The following NFATC1 variants were observed in gnomAD, a reference collection of about 807,000 sequenced individuals.
The protein encoded by NFATC1 is nuclear factor of activated T-cells, cytoplasmic 1.
Under a neutral mutation model 76.0 loss-of-function variants are expected in NFATC1, and 22 were observed. That is an observed-to-expected ratio of 0.29 (90% CI 0.21 to 0.41). NFATC1 has a LOEUF of 0.41. Ranked by LOEUF, NFATC1 falls within the 10% of genes least tolerant of loss-of-function variation. The pLI is 1.00. For missense variants in NFATC1, 1,357 were observed against 1,337.7 expected (o/e 1.01, Z -0.23); for synonymous variants, 704 against 613.1 (o/e 1.15, Z -2.19).
Position 79,410,567 on chromosome 18 carries a change from G to T in NFATC1, c.292G>T (p.Ala98Ser). The T allele has an allele frequency of 7.4e-6, 12 of 1,611,608 alleles. No individual in the cohort carries two copies. Among genetic ancestry groups the T allele is most frequent in the Non-Finnish European group, 1.0e-5 (12 of 1,180,000 alleles). ...GYGAALDGGP[A>S]GYFLSSGHTR... ...CGGAGCAGCTTTGGACGGTGGGCCC[G>T]CGGGCTACTTCCTCTCCTCCGGCCA... Residue 98 changes from alanine to serine, a missense_variant, in exon 2 of 10, where the codon GCG becomes TCG. By Grantham distance (99) the Ala-to-Ser change is moderately conservative (BLOSUM62 1). Around this residue, in one of 3 missense-constraint regions of NFATC1, gnomAD observed 691 missense variants for 613.1 expected, o/e 1.13. Transcript: ENST00000427363. This position sits in a 1 kb window ranked among gnomAD's most constrained non-coding sequence, Gnocchi z 6.7.
At chr18:79,462,495 G>C (rs2088163079) in intron 7 of NFATC1, among the ~76,000 whole-genome samples, 1 of 151,952 alleles carries the variant, frequency 6.6e-6, no homozygotes, top group Non-Finnish European at 1.5e-5. Context: ...GTAGAGATGG[G>C]GTTTTGCCAT....
chr18:79,498,178 A>G (rs1212319801), intron 9 of NFATC1: 2 of 152,184 alleles, frequency 1.3e-5, no homozygotes, highest in Admixed American at 6.5e-5. Context: ...TGTCCCATCC[A>G]CAGGAAGAAA....
chr18:79,504,633 C>T (rs1328028232), intron 9 of NFATC1, among the ~76,000 whole-genome samples: 2 of 152,234 alleles, frequency 1.3e-5, no homozygotes, highest in African/African-American at 4.8e-5. Context: ...CTGTTGGAAA[C>T]GTGGTGCCCA....
chr18:79,443,509 CG>C (rs916293049), intron 3 of NFATC1, among the ~76,000 whole-genome samples: 4 of 152,134 alleles, frequency 2.6e-5, no homozygotes, highest in Non-Finnish European at 4.4e-5. Flanking sequence ...AGCCGTCCCT[CG>C]GGGGGTGGGG....
intron 4 of NFATC1, among the ~76,000 whole-genome samples, chr18:79,450,145 C>T (rs1164212699): frequency 2.0e-5 from 3 of 152,148 alleles, no homozygotes; most frequent in African/African-American, 4.8e-5. Flanking sequence ...GCCAGGACCG[C>T]GCTCCAGCCC....
chr18:79,464,610 C>A (rs2088337214), intron 7 of NFATC1, among the ~76,000 whole-genome samples: 1 of 150,632 alleles, frequency 6.6e-6, no homozygotes, highest in South Asian at 2.1e-4. Context: ...CAGACACACA[C>A]ACACACACAG....
At chr18:79,494,257 A>G in intron 9 of NFATC1, among the ~76,000 whole-genome samples, 1 of 148,236 alleles carries the variant, frequency 6.7e-6, no homozygotes, top group Non-Finnish European at 1.5e-5. Flanking sequence ...GAGCGGGCAC[A>G]CGCCCCCCAT....
At chr18:79,498,069 G>A (rs879526601) in intron 9 of NFATC1, 152 of 129,774 alleles carry the variant, frequency 1.2e-3, no homozygotes, top group African/African-American at 3.9e-3. Flanking sequence ...AGGGGGATGG[G>A]GGGGGGGGAA....
chr18:79,427,091 T>A (rs899622627), intron 2 of NFATC1, among the ~76,000 whole-genome samples: 1 of 152,150 alleles, frequency 6.6e-6, no homozygotes, highest in African/African-American at 2.4e-5. Context: ...AGGGAGCATG[T>A]CCCGGGTTCT....
In NFATC1 at chr18:79,474,759, T is replaced by G. The variant is rs556657170; in HGVS notation, c.2092+7177T>G. On this transcript the variant is annotated intron_variant, in intron 8 of 9. Coordinates refer to ENST00000427363, the MANE Select transcript of NFATC1 (RefSeq NM_001278669.2). Reference sequence around the variant, plus strand: ...CATTGTAAACCTGAGGGAAGCGTGTTCTCACGCTCACTGTCGACGTTGCGA... The same window carrying G: ...CATTGTAAACCTGAGGGAAGCGTGTGCTCACGCTCACTGTCGACGTTGCGA... Among the ~76,000 whole-genome samples the G allele has an allele frequency of 2.0e-5, 3 of 150,746 alleles. No individual in the cohort carries two copies. In the East Asian group the frequency reaches 6.0e-4, roughly 30 times the overall value.
intron 9 of NFATC1, among the ~76,000 whole-genome samples, chr18:79,503,441 T>C (rs2090054987): frequency 6.6e-6 from 1 of 152,224 alleles, no homozygotes; most frequent in Admixed American, 6.5e-5. Context: ...GCATTGTCCG[T>C]GAGCAGTAAT....
intron 3 of NFATC1, among the ~76,000 whole-genome samples, chr18:79,438,724 G>A (rs920959238): frequency 3.3e-5 from 5 of 152,194 alleles, no homozygotes; most frequent in African/African-American, 7.2e-5. Context: ...TGAGAGGGGC[G>A]GGCGGGTCAG....
At position 79,411,303 on chromosome 18, in the gene NFATC1, C is replaced by G; in HGVS notation, c.1028C>G (p.Pro343Arg). The change falls in exon 2 of 10, where the codon CCG (proline) becomes CGG (arginine). Residue 343 changes from proline (P) to arginine (R), a missense_variant. Pro to Arg is a moderately radical substitution (Grantham distance 103). This residue lies in a region of NFATC1 where 691 missense variants were observed against 613.1 expected (regional missense o/e 1.13). Coordinates refer to ENST00000427363, the MANE Select transcript of NFATC1 (RefSeq NM_001278669.2). Reference protein sequence around the residue: ...VKSRKTTLEQPPSVALKVEPV... With the variant: ...VKSRKTTLEQRPSVALKVEPV... ...TCCCGCAAGACCACCCTGGAGCAGC[C>G]GCCCTCAGTGGCGCTCAAGGTGGAG... 1.2e-6 allele frequency: 2 copies of G among 1,603,704 alleles called. No homozygotes were observed. The highest frequency in any genetic ancestry group is 2.2e-5 in the East Asian group (1 of 44,814).
chr18:79,423,421 G>A (rs752885122), intron 2 of NFATC1, among the ~76,000 whole-genome samples: 8 of 152,320 alleles, frequency 5.3e-5, no homozygotes, highest in South Asian at 4.1e-4. Context: ...TCCCAAAGGC[G>A]GCGTCCTGGG....
intron 2 of NFATC1, among the ~76,000 whole-genome samples, chr18:79,423,530 G>A (rs1046451173): frequency 1.4e-4 from 22 of 152,174 alleles, no homozygotes; most frequent in African/African-American, 5.1e-4. Context: ...TGGCCACATC[G>A]GTCCTGGGAA....
At chr18:79,464,944 A>G (rs183729509) in intron 7 of NFATC1, among the ~76,000 whole-genome samples, 60 of 151,938 alleles carry the variant, frequency 3.9e-4, no homozygotes, top group Non-Finnish European at 5.7e-4. Flanking sequence ...GGCTCAAGCA[A>G]TCCTCCCACC....
Position 79,410,759 on chromosome 18 carries a change from C to T in NFATC1, c.484C>T (p.Leu162=). 2 of 1,613,056 alleles carry T rather than the reference C, an allele frequency of 1.2e-6. No homozygotes were observed. The highest frequency in any genetic ancestry group is 1.7e-6 in the Non-Finnish European group (2 of 1,180,008). The change falls in exon 2 of 10, where the codon CTG becomes TTG. Residue 162 remains leucine (L), a synonymous_variant. Coordinates refer to ENST00000427363, the MANE Select transcript of NFATC1 (RefSeq NM_001278669.2). This position sits in a 1 kb window ranked among gnomAD's most constrained non-coding sequence, Gnocchi z 6.7. ...CACGGCCACGCTGAGTCTGCCCAGC[C>T]TGGAGGCCTACAGAGACCCCTCGTG... is the stretch of plus-strand genomic sequence containing the variant. ...PSTATLSLPS[L]EAYRDPSCLS...
intron 3 of NFATC1, among the ~76,000 whole-genome samples, chr18:79,437,903 C>T (rs745944019): frequency 8.9e-4 from 136 of 152,368 alleles, no homozygotes; most frequent in Middle Eastern, 6.8e-3. Context: ...TGTAGGCAGC[C>T]GGCATCAGGA....
At chr18:79,495,853 G>A (rs944199892) in intron 9 of NFATC1, among the ~76,000 whole-genome samples, 6 of 152,280 alleles carry the variant, frequency 3.9e-5, no homozygotes, top group Middle Eastern at 3.4e-3. Flanking sequence ...GCTGTGAACC[G>A]TAGTAAGGTG....
Sources: allele counts gnomAD v4.1 joint callset (sites outside exome capture counted in the v4.1 genomes callset), GRCh38; gene constraint gnomAD v4.1.1; regional missense constraint gnomAD v4.1.1; non-coding constraint Gnocchi (gnomAD v3.1); transcripts MANE v1.5; gene names NCBI Gene and HGNC (gene_info 2026-07-23, HGNC 2026-07-21).